The following SCML4 variants were observed in gnomAD, a reference collection of about 807,000 sequenced individuals.
SCML4 encodes the protein Scm polycomb group protein like 4, also known as sex comb on midleg-like protein 4.
A neutral mutation model predicts 41.1 loss-of-function variants in SCML4; 34 were observed. The ratio of observed to expected loss-of-function variants is 0.83; its 90% CI spans 0.63 to 1.10. The LOEUF is 1.10. SCML4 is among the 50% of genes least tolerant of loss of function. The pLI, the probability that SCML4 is intolerant of heterozygous loss-of-function variation, is 0.00. For missense variants in SCML4, 522 were observed against 534.1 expected, an observed-to-expected ratio of 0.98 and a Z score of 0.22; for synonymous variants, 214 against 220.9, an observed-to-expected ratio of 0.97 and a Z score of 0.28.
At chr6:107,770,467 G>A (rs1780427981) in intron 2 of SCML4, among the ~76,000 whole-genome samples, 1 of 152,156 alleles carries the variant, frequency 6.6e-6, no homozygotes, top group African/African-American at 2.4e-5. Flanking sequence ...AGCTTTCTGG[G>A]AGTTGTTGGC....
At chr6:107,708,587 G>T (rs1254455325) in intron 6 of SCML4, among the ~76,000 whole-genome samples, 1 of 152,096 alleles carries the variant, frequency 6.6e-6, no homozygotes, top group Non-Finnish European at 1.5e-5. Context: ...GCCATCCCTG[G>T]TCACACATGC....
the SCML4 span, among the ~76,000 whole-genome samples, chr6:107,831,141 G>A: frequency 5.3e-5 from 8 of 152,200 alleles, no homozygotes; most frequent in East Asian, 5.8e-4. Context: ...GTGGTGTAAC[G>A]GGGAAAAGGA....
chr6:107,797,170 T>C (rs1782773941), intron 1 of SCML4, among the ~76,000 whole-genome samples: 1 of 152,134 alleles, frequency 6.6e-6, no homozygotes, highest in African/African-American at 2.4e-5. Context: ...TCCATATAAG[T>C]GCAAAAAACC....
chr6:107,843,850 G>A, the SCML4 span, among the ~76,000 whole-genome samples: 1 of 152,100 alleles, frequency 6.6e-6, no homozygotes, highest in African/African-American at 2.4e-5. Flanking sequence ...TAAAGAGATG[G>A]GAAGGTTGGC....
the SCML4 span, among the ~76,000 whole-genome samples, chr6:107,834,538 C>T: frequency 2.0e-5 from 3 of 152,174 alleles, no homozygotes; most frequent in Non-Finnish European, 4.4e-5. Flanking sequence ...ATGGGGCAGG[C>T]CAGCAAGATG....
At chr6:107,744,241 T>C (rs1055699363) in intron 5 of SCML4, among the ~76,000 whole-genome samples, 3 of 152,182 alleles carry the variant, frequency 2.0e-5, no homozygotes, top group African/African-American at 7.2e-5. Flanking sequence ...GAGCACCTCC[T>C]GTTGACATCT....
chr6:107,754,802 C>T (rs1006383939), intron 2 of SCML4, among the ~76,000 whole-genome samples: 1 of 152,142 alleles, frequency 6.6e-6, no homozygotes, highest in African/African-American at 2.4e-5. Flanking sequence ...TCTAATGTTT[C>T]CTCACCATTT....
chr6:107,787,029 C>T (rs1781950072), intron 1 of SCML4, among the ~76,000 whole-genome samples: 1 of 152,210 alleles, frequency 6.6e-6, no homozygotes, highest in African/African-American at 2.4e-5. Flanking sequence ...GATTCCACCC[C>T]AGAGCTCTCT....
At chr6:107,742,034 T>A (rs1049932827) in intron 5 of SCML4, among the ~76,000 whole-genome samples, 1 of 151,944 alleles carries the variant, frequency 6.6e-6, no homozygotes. Flanking sequence ...ATTTCCAAGA[T>A]AACACAGAAA....
rs1775306042 is a variant in SCML4 at position 107,720,766 on chromosome 6, C to G, written c.910G>C (p.Gly304Arg). 1 of 1,611,480 alleles carries G rather than the reference C, an allele frequency of 6.2e-7. No homozygotes were observed. The highest frequency in any genetic ancestry group is 2.2e-5 in the East Asian group (1 of 44,810). ...GGGCTGGAGGCTGGAGGCCTCAGCCCAGGTGCCGAGGGGCCACCAGAAGAC... is the reference window on the plus strand; with the variant it reads ...GGGCTGGAGGCTGGAGGCCTCAGCCGAGGTGCCGAGGGGCCACCAGAAGAC... ...PMSSGGPSAPGLRPPASSPKR... is the reference protein window; with the variant it reads ...PMSSGGPSAPRLRPPASSPKR... The change falls in exon 6 of 8, where the codon GGG becomes CGG. Residue 304 changes from glycine to arginine, a missense_variant. By Grantham distance (125) the Gly-to-Arg change is moderately radical. Transcript: ENST00000369020.
Position 107,707,947 on chromosome 6 carries a change from C to T in SCML4, c.1038G>A (p.Trp346Ter), listed in dbSNP as rs1383810232. 2 of 1,551,664 alleles carry T rather than the reference C, an allele frequency of 1.3e-6. No individual in the cohort carries two copies. Among genetic ancestry groups the T allele is most frequent in the South Asian group, 1.2e-5 (1 of 84,058 alleles). Reference sequence around the variant, plus strand: ...CAAACCACACCACGTCCTCCACAGTCCAGGCGGAGGGGTTCCTGCTCCGTG... The same window carrying T: ...CAAACCACACCACGTCCTCCACAGTTCAGGCGGAGGGGTTCCTGCTCCGTG... ...RRPRSRNPSA[W>*]TVEDVVWFVK... The change falls in exon 7 of 8, where the codon TGG becomes TGA. Residue 346 changes from tryptophan to a stop codon, truncating the protein, a stop_gained. Transcript: ENST00000369020. LOFTEE classifies it high-confidence loss of function.
the SCML4 span, among the ~76,000 whole-genome samples, chr6:107,841,489 C>A: frequency 1.3e-5 from 2 of 152,152 alleles, no homozygotes; most frequent in Admixed American, 6.5e-5. Flanking sequence ...CAGATAGAAG[C>A]AAAAACACTC....
intron 1 of SCML4, among the ~76,000 whole-genome samples, chr6:107,779,916 C>T (rs1781350702): frequency 6.6e-6 from 1 of 152,194 alleles, no homozygotes; most frequent in African/African-American, 2.4e-5. Context: ...CCATTGTGTG[C>T]ACTTCCAGTT....
chr6:107,806,990 G>A, intron 1 of SCML4, among the ~76,000 whole-genome samples: 1 of 152,102 alleles, frequency 6.6e-6, no homozygotes, highest in Non-Finnish European at 1.5e-5. Context: ...GCAGCACCAG[G>A]GTAGGGAGAG....
chr6:107,744,315 G>A (rs1221762786), intron 5 of SCML4, among the ~76,000 whole-genome samples: 1 of 152,124 alleles, frequency 6.6e-6, no homozygotes, highest in Non-Finnish European at 1.5e-5. Context: ...CTCCCCAAGG[G>A]CCACTTTTCC....
chr6:107,736,772 G>T (rs1316732276), intron 5 of SCML4, among the ~76,000 whole-genome samples: 1 of 152,178 alleles, frequency 6.6e-6, no homozygotes, highest in African/African-American at 2.4e-5. Context: ...GAGTGTATAG[G>T]TTCAACCGTA....
chr6:107,733,596 T>C (rs1157858119), intron 5 of SCML4, among the ~76,000 whole-genome samples: 1 of 152,192 alleles, frequency 6.6e-6, no homozygotes, highest in African/African-American at 2.4e-5. Context: ...AGCCTGCAGA[T>C]AGCAGTACCT....
At chr6:107,768,097 CAAAAAAAAA>C (rs766357180) in intron 2 of SCML4, among the ~76,000 whole-genome samples, 1 of 45,660 alleles carries the variant, frequency 2.2e-5, no homozygotes, top group African/African-American at 8.7e-5. Flanking sequence ...TTCATCTGTA[CAAAAAAAAA>C]AAAAAAAAAG....
At chr6:107,818,705 C>T (rs751380079) in intron 1 of SCML4, among the ~76,000 whole-genome samples, 2 of 152,232 alleles carry the variant, frequency 1.3e-5, no homozygotes, top group African/African-American at 2.4e-5. Flanking sequence ...GCATGAATGC[C>T]CTGGAATAGG....
Sources: gnomAD v4.1 joint callset for allele counts (sites outside exome capture counted in the v4.1 genomes callset) on GRCh38, gnomAD v4.1.1 for gene constraint, MANE v1.5 for transcripts, NCBI Gene and HGNC (gene_info 2026-07-23, HGNC 2026-07-21) for gene names.